The following LMBR1 variants were observed in gnomAD, a reference collection of about 807,000 sequenced individuals.
The protein encoded by LMBR1 is limb development membrane protein 1.
Under a neutral mutation model 73.9 loss-of-function variants are expected in LMBR1, and 52 were observed. That is an observed-to-expected ratio of 0.70 (90% CI 0.56 to 0.89). The LOEUF (loss-of-function observed/expected upper bound fraction) is 0.89, where lower values mean the gene tolerates loss of function less well. Ranked by LOEUF, LMBR1 falls within the 40% of genes least tolerant of loss-of-function variation. The probability of loss-of-function intolerance (pLI) is 0.00; values close to 1 mark genes in which losing one functional copy is unlikely to be tolerated. For synonymous variants in LMBR1, 215 were observed against 209.4 expected, an observed-to-expected ratio of 1.03 and a Z score of -0.23; for missense variants, 539 against 579.8, an observed-to-expected ratio of 0.93 and a Z score of 0.72.
intron 15 of LMBR1, among the ~76,000 whole-genome samples, chr7:156,709,667 T>C (rs572697857): frequency 6.6e-6 from 1 of 152,102 alleles, no homozygotes; most frequent in Non-Finnish European, 1.5e-5. Flanking sequence ...GGGAGAACAC[T>C]GTATCAAGGG....
intron 14 of LMBR1, among the ~76,000 whole-genome samples, chr7:156,724,875 ATTAG>A (rs1297782802): frequency 1.3e-5 from 2 of 151,742 alleles, no homozygotes; most frequent in Non-Finnish European, 2.9e-5. Context: ...TTCAGCTCTT[ATTAG>A]TTATTCTTCT....
At chr7:156,869,547 A>G (rs1424457016) in intron 1 of LMBR1, among the ~76,000 whole-genome samples, 1 of 152,190 alleles carries the variant, frequency 6.6e-6, no homozygotes, top group Admixed American at 6.5e-5. Context: ...AAAGCCTACA[A>G]ATACAAAAAA....
At chr7:156,839,092 C>T (rs1586149221) in intron 1 of LMBR1, among the ~76,000 whole-genome samples, 1 of 101,222 alleles carries the variant, frequency 9.9e-6, no homozygotes, top group African/African-American at 4.0e-5. Flanking sequence ...TCTTGTTGTT[C>T]AGACTGGAGT....
At chr7:156,735,114 G>A (rs1817609356) in intron 9 of LMBR1, among the ~76,000 whole-genome samples, 1 of 152,126 alleles carries the variant, frequency 6.6e-6, no homozygotes, top group African/African-American at 2.4e-5. Flanking sequence ...GTACATTTTG[G>A]TTCTAATTAT....
chr7:156,877,110 G>A (rs184629999), intron 1 of LMBR1, among the ~76,000 whole-genome samples: 8 of 152,008 alleles, frequency 5.3e-5, no homozygotes, highest in African/African-American at 1.2e-4. Flanking sequence ...GAGAGGATTC[G>A]AGGCTATTAT....
intron 1 of LMBR1, among the ~76,000 whole-genome samples, chr7:156,862,353 C>T (rs1043654692): frequency 1.3e-5 from 2 of 152,140 alleles, no homozygotes; most frequent in African/African-American, 4.8e-5. Flanking sequence ...AATTACCTCC[C>T]AGTGGGTCCC....
At chr7:156,824,659 T>C (rs1165777127) in intron 4 of LMBR1, among the ~76,000 whole-genome samples, 2 of 151,928 alleles carry the variant, frequency 1.3e-5, no homozygotes, top group Non-Finnish European at 2.9e-5. Context: ...CTGGGAAACA[T>C]GGCAAAACCC....
intron 4 of LMBR1, among the ~76,000 whole-genome samples, chr7:156,806,414 T>C (rs867500315): frequency 6.6e-6 from 1 of 151,938 alleles, no homozygotes; most frequent in Non-Finnish European, 1.5e-5. Context: ...AAATATCATC[T>C]GTGAAATAGT....
chr7:156,807,222 A>G (rs1488135360), intron 4 of LMBR1, among the ~76,000 whole-genome samples: 1 of 152,140 alleles, frequency 6.6e-6, no homozygotes, highest in Non-Finnish European at 1.5e-5. Context: ...TGGTTTTGGT[A>G]TGAGGGTAAT....
At chr7:156,714,949 TTTTTC>T (rs1224501818) in intron 15 of LMBR1, among the ~76,000 whole-genome samples, 123 of 148,414 alleles carry the variant, frequency 8.3e-4, no homozygotes, top group Non-Finnish European at 1.4e-3. Flanking sequence ...AAAAAATACT[TTTTTC>T]TTTTTTTTTT....
At chr7:156,798,401 G>A (rs1244716513) in intron 4 of LMBR1, among the ~76,000 whole-genome samples, 1 of 152,108 alleles carries the variant, frequency 6.6e-6, no homozygotes, top group Non-Finnish European at 1.5e-5. Context: ...TTTCTACCAA[G>A]TGTATTGGCT....
intron 1 of LMBR1, among the ~76,000 whole-genome samples, chr7:156,869,501 A>G (rs934680528): frequency 2.0e-5 from 3 of 152,184 alleles, no homozygotes; most frequent in African/African-American, 7.2e-5. Flanking sequence ...TAAAATACCT[A>G]CAGAAGTTAC....
At chr7:156,835,694 CAA>C (rs59956909) in intron 2 of LMBR1, among the ~76,000 whole-genome samples, 51 of 100,464 alleles carry the variant, frequency 5.1e-4, no homozygotes, top group Admixed American at 8.1e-4. Flanking sequence ...GACTCCATCT[CAA>C]AAAAAAAAAA....
chr7:156,769,787 G>A (rs1022134711), intron 5 of LMBR1, among the ~76,000 whole-genome samples: 4 of 152,224 alleles, frequency 2.6e-5, no homozygotes, highest in Admixed American at 6.5e-5. Context: ...AACAGTGAGC[G>A]TGGGGAATCC....
rs143018746 is a variant in LMBR1 at position 156,836,856 on chromosome 7, G to A, written c.96C>T (p.Tyr32=). Residue 32 remains tyrosine, a synonymous_variant, in exon 2 of 17, where the codon TAC becomes TAT. Coordinates refer to ENST00000353442, the MANE Select transcript of LMBR1 (RefSeq NM_022458.4). The part of the protein sequence containing the change: ...TICFLLFAIL[Y]VVSYFIITRY... ...TTGTGATGATGAAGTAGGAAACAAC[G>A]TAGAGAATGGCAAAAAGAAGGAAAC... 1.3e-5 allele frequency: 21 copies of A among 1,580,012 alleles called. No homozygotes were observed. Among genetic ancestry groups the A allele is most frequent in the South Asian group, 4.6e-5 (4 of 86,796 alleles).
In LMBR1 at chr7:156,857,822, G is replaced by A. The variant is rs1168476368; in HGVS notation, c.67-20937C>T. 2.0e-5 allele frequency among the ~76,000 whole-genome samples: 3 copies of A among 151,920 alleles called. No individual in the cohort carries two copies. The East Asian group carries it at 5.8e-4, about 29-fold the overall frequency. ...CTGAAATATAGCTGGAAAACTTCTT[G>A]GAGATTAAACAAAAAGCCTCTAAAT... On this transcript the variant is annotated intron_variant, in intron 1 of 16. Coordinates refer to ENST00000353442, the MANE Select transcript of LMBR1 (RefSeq NM_022458.4).
At chr7:156,866,551 G>A (rs890484588) in intron 1 of LMBR1, among the ~76,000 whole-genome samples, 1 of 150,916 alleles carries the variant, frequency 6.6e-6, no homozygotes, top group African/African-American at 2.4e-5. Flanking sequence ...AGAATATGCA[G>A]GATGACTAAG....
intron 15 of LMBR1, among the ~76,000 whole-genome samples, chr7:156,709,511 C>T (rs1008791856): frequency 3.9e-5 from 6 of 152,210 alleles, no homozygotes; most frequent in South Asian, 2.1e-4. Flanking sequence ...CTGGGAGACC[C>T]GAAGACAGAC....
Position 156,883,796 on chromosome 7 carries a change from C to G in LMBR1, c.66+9132G>C, listed in dbSNP as rs528758636. Among the ~76,000 whole-genome samples, 19 of 152,268 alleles carry G rather than the reference C, an allele frequency of 1.2e-4. No homozygotes were observed. The South Asian group carries it at 3.3e-3, about 27-fold the overall frequency. On this transcript the variant is annotated intron_variant, in intron 1 of 16. Coordinates refer to ENST00000353442, the MANE Select transcript of LMBR1 (RefSeq NM_022458.4). ...TCCAACTCTGCCTCTGTCATCACAT[C>G]TCCTCTGACTCTGACCCTCCTGCCT...
Sources: gnomAD v4.1 joint callset for allele counts (sites outside exome capture counted in the v4.1 genomes callset) on GRCh38, gnomAD v4.1.1 for gene constraint, MANE v1.5 for transcripts, NCBI Gene and HGNC (gene_info 2026-07-23, HGNC 2026-07-21) for gene names.